The following IL17RA variants were observed in gnomAD, a reference collection of about 807,000 sequenced individuals.
The protein encoded by IL17RA is interleukin-17 receptor A.
A neutral mutation model predicts 50.4 loss-of-function variants in IL17RA; 34 were observed. The observed-to-expected ratio is 0.67, with a 90% CI of 0.51 to 0.90. The LOEUF (loss-of-function observed/expected upper bound fraction) is 0.90. Ranked by LOEUF, IL17RA falls within the 40% of genes least tolerant of loss-of-function variation. IL17RA has a pLI of 0.00. For missense variants in IL17RA, 1,276 were observed against 1,169.8 expected (o/e 1.09, Z -1.32); for synonymous variants, 585 against 510.4 (o/e 1.15, Z -1.97).
chr22:17,085,785 A>G (rs2123787451), intron 1 of IL17RA, among the ~76,000 whole-genome samples: 1 of 152,216 alleles, frequency 6.6e-6, no homozygotes. Flanking sequence ...TCCGTGCGGA[A>G]GGTGGAGTCC....
chr22:17,097,379 G>C (rs983216948), intron 2 of IL17RA: 6 of 532,104 alleles, frequency 1.1e-5, no homozygotes, highest in Non-Finnish European at 1.7e-5. Context: ...GCCACAGCTT[G>C]TCACTGTAAA....
In IL17RA at chr22:17,108,339, C is replaced by A; in HGVS notation, c.1120C>A (p.Pro374Thr). The A allele has an allele frequency of 6.2e-7, 1 of 1,614,172 alleles. No individual in the cohort carries two copies. The highest frequency in any genetic ancestry group is 8.5e-7 in the Non-Finnish European group (1 of 1,180,026). The change falls in exon 13 of 13, where the codon CCG (proline) becomes ACG (threonine). Residue 374 changes from proline (P) to threonine (T), a missense_variant. Pro to Thr is a conservative substitution (Grantham distance 38). Coordinates refer to ENST00000319363, the MANE Select transcript of IL17RA (RefSeq NM_014339.7). ...GCCTGCGGCTGACCTGATCCCCCCA[C>A]CGCTGAAGCCCAGGAAGGTCTGGAT... is the stretch of plus-strand genomic sequence containing the variant. ...GLPAADLIPP[P>T]LKPRKVWIIY...
In IL17RA at chr22:17,113,155, G is replaced by A. The variant is rs2061451696; in HGVS notation, c.*3335G>A. On this transcript the variant is annotated 3_prime_UTR_variant, in exon 13 of 13. Transcript: ENST00000319363. ...TTTGAGCTGGGATCTCTGAATGCAA[G>A]GGTATGATGGATATACTTCTTTCTT... 6.6e-6 allele frequency: 1 copy of A among 152,132 alleles called. No individual in the cohort carries two copies. The highest frequency in any genetic ancestry group is 1.5e-5 in the Non-Finnish European group (1 of 68,034). 9.4% of individuals were successfully genotyped at this position (152,132 alleles called of 1,614,324 possible).
At chr22:17,094,639 CATTT>C (rs1299744117) in intron 1 of IL17RA, among the ~76,000 whole-genome samples, 2 of 120,452 alleles carry the variant, frequency 1.7e-5, no homozygotes, top group Non-Finnish European at 3.5e-5. Context: ...TTTCTATTCT[CATTT>C]AGTCATACAC....
chr22:17,098,976 G>T (rs1313363504), intron 4 of IL17RA, 89 bp downstream of exon 4: 2 of 1,064,784 alleles, frequency 1.9e-6, no homozygotes, highest in Admixed American at 1.8e-5. Context: ...GATTTAGAGT[G>T]GGGGAGACCC....
rs551742239 is a variant in IL17RA, at chr22:17,109,651, T to TGGAGGAAGA, written c.2446_2454dup (p.Glu816_Glu818dup). On this transcript the variant is annotated inframe_insertion, in exon 13 of 13. Transcript: ENST00000319363. The stretch of plus-strand genomic sequence containing the variant: ...CAGCCCCCCGAGGGACTCACGGAAA[T>TGGAGGAAGA]GGAGGAAGAGGAGGAAGAGGAGCAG... The TGGAGGAAGA allele has an allele frequency of 2.5e-5, 40 of 1,606,884 alleles. No homozygotes were observed. The highest frequency in any genetic ancestry group is 6.7e-5 in the South Asian group (6 of 90,026).
chr22:17,098,943 T>C (rs1337741364), intron 4 of IL17RA, 56 bp downstream of exon 4: 4 of 1,399,136 alleles, frequency 2.9e-6, no homozygotes, highest in African/African-American at 1.4e-5. Flanking sequence ...AGTACAGACT[T>C]CTTGTCCCCA....
Position 17,102,316 on chromosome 22 carries a change from T to C in IL17RA, c.762+14T>C. ...CACATACCTGCGGTAACTCTGCTCT[T>C]TTTGACCCCTCTAGCATAGCTCAGG... On this transcript the variant is annotated intron_variant, in intron 7 of 12. Transcript: ENST00000319363. 2 of 1,614,066 alleles carry C rather than the reference T, an allele frequency of 1.2e-6. No homozygotes were observed. Among genetic ancestry groups the C allele is most frequent in the Non-Finnish European group, 1.7e-6 (2 of 1,179,972 alleles).
chr22:17,108,678 C>A lies in IL17RA; in HGVS notation c.1459C>A (p.Leu487Ile). Reference protein sequence around the residue: ...DLFTAAMNMILPDFKRPACFG... With the variant: ...DLFTAAMNMIIPDFKRPACFG... ...GTTCACTGCAGCCATGAACATGATC[C>A]TCCCGGACTTCAAGAGGCCAGCCTG... The change falls in exon 13 of 13, where the codon CTC becomes ATC. Residue 487 changes from leucine to isoleucine, a missense_variant. By Grantham distance (5) the Leu-to-Ile change is conservative. Coordinates refer to ENST00000319363, the MANE Select transcript of IL17RA (RefSeq NM_014339.7). The A allele has an allele frequency of 6.2e-7, 1 of 1,608,492 alleles. No homozygotes were observed. Among genetic ancestry groups the A allele is most frequent in the South Asian group, 1.1e-5 (1 of 91,076 alleles).
Position 17,110,306 on chromosome 22 carries a change from T to C in IL17RA, c.*486T>C. The C allele has an allele frequency of 5.2e-6, 1 of 191,920 alleles. No individual in the cohort carries two copies. The allele number at this position is 191,920 out of a possible 1,614,324, so 11.9% of individuals were successfully genotyped here. A position where few individuals can be genotyped will look rare whatever the true frequency, so the allele number is the denominator to read the frequency against. On this transcript the variant is annotated 3_prime_UTR_variant, in exon 13 of 13. Transcript: ENST00000319363. ...CTGAGGTCAGGAGTTTGAGCCAGCC[T>C]GGCCAACATGGTGAAACCCCATCTC...
chr22:17,101,963 G>T, intron 5 of IL17RA, 33 bp from the exon 6 acceptor site: 1 of 1,613,962 alleles, frequency 6.2e-7, no homozygotes, highest in Non-Finnish European at 8.5e-7. Context: ...GAAGGCAGAG[G>T]CTTAATGAGT....
Position 17,085,053 on chromosome 22 carries a change from C to G in IL17RA, c.-39C>G. ...CCTCAGAACGTTCGTTCGCTGCGTC[C>G]CCAGCCGGGGCCGAGCCCTCCGCGA... On this transcript the variant is annotated 5_prime_UTR_variant, in exon 1 of 13. Transcript: ENST00000319363. The G allele has an allele frequency of 7.8e-7, 1 of 1,290,110 alleles. No homozygotes were observed. Among genetic ancestry groups the G allele is most frequent in the Non-Finnish European group, 9.8e-7 (1 of 1,018,148 alleles). The allele number at this position is 1,290,110 out of a possible 1,614,324, so 79.9% of individuals were successfully genotyped here. A position where few individuals can be genotyped will look rare whatever the true frequency, so the allele number is the denominator to read the frequency against.
intron 1 of IL17RA, among the ~76,000 whole-genome samples, chr22:17,088,808 T>A (rs1243681018): frequency 6.7e-6 from 1 of 148,666 alleles, no homozygotes; most frequent in African/African-American, 2.5e-5. Flanking sequence ...TTTTTATTTT[T>A]ATTTTGAGAC....
intron 12 of IL17RA, 53 bp downstream of exon 12, chr22:17,107,821 C>T: frequency 6.5e-7 from 1 of 1,536,064 alleles, no homozygotes; most frequent in Admixed American, 1.7e-5. Context: ...GTGGAGGGTT[C>T]TCCTGGGATA....
chr22:17,094,701 A>ATATATATATATGTG (rs2061362410), intron 1 of IL17RA, among the ~76,000 whole-genome samples: 1 of 61,924 alleles, frequency 1.6e-5, no homozygotes, highest in Non-Finnish European at 2.9e-5. Context: ...CTATATATAT[A>ATATATATATATGTG]TATATATATA....
At chr22:17,103,172 G>A (rs563965256) in intron 7 of IL17RA, among the ~76,000 whole-genome samples, 2 of 152,148 alleles carry the variant, frequency 1.3e-5, no homozygotes, top group Non-Finnish European at 2.9e-5. Context: ...GTAATACGAT[G>A]AAGCCAGCTC....
rs899257048 is a variant in IL17RA at position 17,112,833 on chromosome 22, G to A, written c.*3013G>A. ...TGTGCCCCTCCCACCTCTTCAGCTC[G>A]TCTCCTGAGTGTGCAGAGGTGGTTC... On this transcript the variant is annotated 3_prime_UTR_variant, in exon 13 of 13. Transcript: ENST00000319363. The A allele has an allele frequency of 3.3e-5, 5 of 152,242 alleles. No individual in the cohort carries two copies. The highest frequency in any genetic ancestry group is 1.9e-4 in the East Asian group (1 of 5,170). The allele number at this position is 152,242 out of a possible 1,614,324, so 9.4% of individuals were successfully genotyped here. A position where few individuals can be genotyped will look rare whatever the true frequency, so the allele number is the denominator to read the frequency against.
At chr22:17,097,187 A>C in intron 2 of IL17RA, 101 bp downstream of exon 2, 1 of 1,162,464 alleles carries the variant, frequency 8.6e-7, no homozygotes, top group Non-Finnish European at 1.3e-6. Context: ...CTCCAGGTTC[A>C]GGCTGTGAGC....
chr22:17,101,969 T>C, intron 5 of IL17RA, 27 bp from the exon 6 acceptor site: 6 of 1,613,588 alleles, frequency 3.7e-6, no homozygotes, highest in Non-Finnish European at 4.2e-6. Context: ...AGAGGCTTAA[T>C]GAGTTTCCTT....
Sources: gnomAD v4.1 joint callset for allele counts (sites outside exome capture counted in the v4.1 genomes callset) on GRCh38, gnomAD v4.1.1 for gene constraint, MANE v1.5 for transcripts, NCBI Gene and HGNC (gene_info 2026-07-23, HGNC 2026-07-21) for gene names.